PAX3: variants seen among roughly 807,000 people sequenced by gnomAD.
PAX3 encodes paired box protein Pax-3.
Under a neutral mutation model 51.6 loss-of-function variants are expected in PAX3, and 14 were observed. That is an observed-to-expected ratio of 0.27 (90% CI 0.18 to 0.42). The LOEUF (loss-of-function observed/expected upper bound fraction) is 0.42, where lower values mean the gene tolerates loss of function less well. PAX3 is among the 10% of genes least tolerant of loss of function. The probability of loss-of-function intolerance (pLI) is 1.00; values close to 1 mark genes in which losing one functional copy is unlikely to be tolerated. For missense variants in PAX3, 540 were observed against 642.8 expected, an observed-to-expected ratio of 0.84 and a Z score of 1.73; for synonymous variants, 280 against 253.4, an observed-to-expected ratio of 1.11 and a Z score of -1.00.
chr2:222,294,365 G>A (rs558713942), intron 3 of PAX3, 64 bp from the exon 4 acceptor site: 3 of 1,589,254 alleles, frequency 1.9e-6, no homozygotes, highest in East Asian at 2.2e-5. Context: ...GGGCTGTGCG[G>A]GAAGGACCCC....
intron 7 of PAX3, among the ~76,000 whole-genome samples, chr2:222,216,635 C>T (rs1263902755): frequency 6.6e-6 from 1 of 152,064 alleles, no homozygotes; most frequent in Non-Finnish European, 1.5e-5. Flanking sequence ...GCTGTAATTC[C>T]CAGCCTTTGC....
At chr2:222,269,407 GA>G (rs1448351988) in intron 4 of PAX3, among the ~76,000 whole-genome samples, 4 of 152,172 alleles carry the variant, frequency 2.6e-5, no homozygotes, top group African/African-American at 9.7e-5. Flanking sequence ...TGCCAAAAGA[GA>G]AAGGGGCTTT....
At chr2:222,206,615 GGTT>G (rs1691521192) in intron 7 of PAX3, among the ~76,000 whole-genome samples, 2 of 152,062 alleles carry the variant, frequency 1.3e-5, no homozygotes, top group African/African-American at 4.8e-5. Context: ...ATTCCAAATA[GGTT>G]GTTTATATCT....
chr2:222,290,883 G>T (rs992208001), intron 4 of PAX3, among the ~76,000 whole-genome samples: 2 of 151,596 alleles, frequency 1.3e-5, no homozygotes, highest in Non-Finnish European at 2.9e-5. Flanking sequence ...AAAATGGGGG[G>T]AGGTTGCAGA....
chr2:222,234,277 AT>A (rs1692717035), intron 4 of PAX3, among the ~76,000 whole-genome samples: 1 of 152,150 alleles, frequency 6.6e-6, no homozygotes, highest in Non-Finnish European at 1.5e-5. Flanking sequence ...CAATTATCTA[AT>A]TTAATATAAA....
At chr2:222,221,435 T>C in intron 5 of PAX3, 48 bp from the exon 6 acceptor site, 2 of 1,519,386 alleles carry the variant, frequency 1.3e-6, no homozygotes, top group Non-Finnish European at 1.8e-6. Flanking sequence ...GAAATAATAG[T>C]ACATTCTTAA....
intron 7 of PAX3, among the ~76,000 whole-genome samples, chr2:222,207,990 C>T (rs945086316): frequency 2.2e-5 from 3 of 138,928 alleles, no homozygotes; most frequent in Non-Finnish European, 4.9e-5. Flanking sequence ...TATATATATA[C>T]ATATATGTGT....
chr2:222,296,923 C>A lies in PAX3; in HGVS notation c.321+55G>T, dbSNP rs1055106824. On this transcript the variant is annotated intron_variant, in intron 2 of 8. Coordinates refer to ENST00000392070, the MANE Select transcript of PAX3 (RefSeq NM_181458.4). The stretch of plus-strand genomic sequence containing the variant: ...AGCCGTTACCCCCCGCCCGGTCTTC[C>A]CCAACACAGGGGACCACAGTCTGGG... The A allele has an allele frequency of 2.2e-5, 32 of 1,453,552 alleles. 1 individual carries two copies. Among genetic ancestry groups the A allele is most frequent in the Non-Finnish European group, 3.0e-5 (32 of 1,051,946 alleles). The allele number at this position is 1,453,552 out of a possible 1,614,324, so 90.0% of individuals were successfully genotyped here. A position where few individuals can be genotyped will look rare whatever the true frequency, so the allele number is the denominator to read the frequency against.
intron 4 of PAX3, among the ~76,000 whole-genome samples, chr2:222,283,758 G>A (rs750337150): frequency 2.0e-5 from 3 of 152,376 alleles, no homozygotes; most frequent in East Asian, 1.9e-4. Flanking sequence ...TGCCTGCTGC[G>A]AAGCCTAAGC....
At position 222,217,200 on chromosome 2, in the gene PAX3, A is replaced by G. The variant is rs116575672; in HGVS notation, c.1173+2940T>C. Among the ~76,000 whole-genome samples the G allele has an allele frequency of 6.2e-3, 944 of 152,126 alleles. 9 individuals are homozygous for G. Among genetic ancestry groups the G allele is most frequent in the African/African-American group, 0.022 (904 of 41,514 alleles). On this transcript the variant is annotated intron_variant, in intron 7 of 8. Coordinates refer to ENST00000392070, the MANE Select transcript of PAX3 (RefSeq NM_181458.4). ...TACTTTATAGACACTTTTTAAGCAA[A>G]TTTTTTTTATTTATCTACAATGAAC...
chr2:222,211,614 A>G (rs1195572268), intron 7 of PAX3, among the ~76,000 whole-genome samples: 1 of 152,168 alleles, frequency 6.6e-6, no homozygotes, highest in Admixed American at 6.5e-5. Context: ...CCTGTGGAAA[A>G]AATCAAGAAG....
Position 222,296,970 on chromosome 2 carries a change from C to G in PAX3, c.321+8G>C. 6.2e-7 allele frequency: 1 copy of G among 1,608,624 alleles called. No homozygotes were observed. The highest frequency in any genetic ancestry group is 8.5e-7 in the Non-Finnish European group (1 of 1,177,058). On this transcript the variant is annotated splice_region_variant and intron_variant, in intron 2 of 8. Coordinates refer to ENST00000392070, the MANE Select transcript of PAX3 (RefSeq NM_181458.4). Reference sequence around the variant, plus strand: ...TGGGAGCCAGGAGGGCAAGGCCCGCCCGCTCACCTTGGGCTTGCTGCCGCC... The same window carrying G: ...TGGGAGCCAGGAGGGCAAGGCCCGCGCGCTCACCTTGGGCTTGCTGCCGCC...
In PAX3 at chr2:222,213,316, A is replaced by G. The variant is rs16863506; in HGVS notation, c.1173+6824T>C. 1.8e-3 allele frequency among the ~76,000 whole-genome samples: 273 copies of G among 152,312 alleles called. 2 individuals carry two copies. The highest frequency in any genetic ancestry group is 3.3e-3 in the Non-Finnish European group (224 of 68,014). Reference sequence around the variant, plus strand: ...CGACCACAGCCTTAGAGAAAAACCAAAAGTACCAGGTCAATTACAGCCTGC... The same window carrying G: ...CGACCACAGCCTTAGAGAAAAACCAGAAGTACCAGGTCAATTACAGCCTGC... On this transcript the variant is annotated intron_variant, in intron 7 of 8. Transcript: ENST00000392070.
intron 1 of PAX3, chr2:222,298,258 C>T (rs1449562761): frequency 3.9e-6 from 2 of 507,312 alleles, no homozygotes; most frequent in East Asian, 3.2e-5. Flanking sequence ...TCCTTCTCCA[C>T]CGCGGCATTT....
intron 4 of PAX3, chr2:222,293,804 C>A (rs772846032): frequency 3.1e-6 from 5 of 1,614,120 alleles, no homozygotes; most frequent in South Asian, 1.1e-5. Flanking sequence ...CAAGTACCCT[C>A]TATCCCCGGC....
In PAX3 at chr2:222,201,429, A is replaced by T. The variant is rs770548336; in HGVS notation, c.1434T>A (p.Tyr478Ter). The T allele has an allele frequency of 2.1e-5, 34 of 1,614,054 alleles. No homozygotes were observed. The highest frequency in any genetic ancestry group is 2.9e-5 in the Non-Finnish European group (34 of 1,180,004). The change falls in exon 9 of 9, where the codon TAT (tyrosine) becomes TAA (stop). Residue 478 changes from tyrosine to a stop codon, truncating the protein, a stop_gained. Transcript: ENST00000392070. LOFTEE classifies it high-confidence loss of function. ...TCACTTACGCGATATCTGGCTTGAG[A>T]TAATGAAAGGCACCTGTAAGGAAAC... is the stretch of plus-strand genomic sequence containing the variant. ...YGQYGQSAFHYLKPDIA is the reference protein window; with the variant it reads ...YGQYGQSAFH
intron 7 of PAX3, among the ~76,000 whole-genome samples, chr2:222,210,518 A>G (rs958335409): frequency 1.1e-4 from 17 of 152,180 alleles, no homozygotes; most frequent in Non-Finnish European, 7.3e-5. Context: ...ACTAGAATAC[A>G]AAAAGAAAAA....
chr2:222,229,045 AG>A (rs1692485356), intron 5 of PAX3, among the ~76,000 whole-genome samples: 1 of 152,152 alleles, frequency 6.6e-6, no homozygotes, highest in Admixed American at 6.5e-5. Flanking sequence ...CACTCAAAAG[AG>A]GCATGATTGG....
At position 222,294,808 on chromosome 2, in the gene PAX3, CTTTT is replaced by C. The variant is rs11347336; in HGVS notation, c.452-511_452-508del. 1.7e-4 allele frequency among the ~76,000 whole-genome samples: 19 copies of C among 111,280 alleles called. 1 individual carries two copies. Among genetic ancestry groups the C allele is most frequent in the African/African-American group, 5.1e-4 (15 of 29,320 alleles). 73.0% of individuals were successfully genotyped at this position (111,280 alleles called of 152,430 possible). Reference sequence around the variant, plus strand: ...AAGTTTCTTTTTTTTCCTTTCTTCCCTTTTTTTTTTTTTTTTAAGGCTATAAAGG... The same window carrying C: ...AAGTTTCTTTTTTTTCCTTTCTTCCCTTTTTTTTTTTTAAGGCTATAAAGG... On this transcript the variant is annotated intron_variant, in intron 3 of 8. Transcript: ENST00000392070.
Sources: allele counts gnomAD v4.1 joint callset (sites outside exome capture counted in the v4.1 genomes callset), GRCh38; gene constraint gnomAD v4.1.1; transcripts MANE v1.5; gene names NCBI Gene and HGNC (gene_info 2026-07-23, HGNC 2026-07-21).